SPECC1L: variants seen among roughly 807,000 people sequenced by gnomAD.
SPECC1L encodes sperm antigen with calponin homology and coiled-coil domains 1 like.
A neutral mutation model predicts 116.8 loss-of-function variants in SPECC1L; 40 were observed. The observed-to-expected ratio is 0.34, with a 90% confidence interval of 0.27 to 0.45. The LOEUF (loss-of-function observed/expected upper bound fraction) is 0.45. SPECC1L is among the 20% of genes least tolerant of loss of function. The pLI is 1.00. For missense variants in SPECC1L, 1,110 were observed against 1,373.6 expected, an observed-to-expected ratio of 0.81 and a Z score of 3.03; for synonymous variants, 504 against 500.6, an observed-to-expected ratio of 1.01 and a Z score of -0.09.
At chr22:24,401,299 T>G (rs2146778617) in intron 14 of SPECC1L, among the ~76,000 whole-genome samples, 1 of 152,356 alleles carries the variant, frequency 6.6e-6, no homozygotes, top group Admixed American at 6.5e-5. Flanking sequence ...GTTCAGATTC[T>G]GTTGGTTCCT....
At chr22:24,324,957 T>C (rs2040788933) in intron 6 of SPECC1L, among the ~76,000 whole-genome samples, 1 of 152,174 alleles carries the variant, frequency 6.6e-6, no homozygotes, top group Non-Finnish European at 1.5e-5. Flanking sequence ...GGATTATTTT[T>C]TGTCAGAGAA....
chr22:24,317,386 G>A (rs2040606782), intron 4 of SPECC1L, among the ~76,000 whole-genome samples: 1 of 122,698 alleles, frequency 8.2e-6, no homozygotes, highest in Non-Finnish European at 1.8e-5. Flanking sequence ...AGTAGGGGCG[G>A]CCGGGCAGAG....
intron 11 of SPECC1L, among the ~76,000 whole-genome samples, chr22:24,362,487 G>A (rs1039186232): frequency 1.3e-5 from 2 of 152,142 alleles, no homozygotes; most frequent in African/African-American, 4.8e-5. Context: ...CTTCCCTGAA[G>A]GCTCAAAAAT....
chr22:24,415,564 TAGG>T lies in SPECC1L; in HGVS notation c.*944_*946del, dbSNP rs757702937. The stretch of plus-strand genomic sequence containing the variant: ...TGAGAGCAAGGAATAAAGCAGGAAA[TAGG>T]AGAAAAGTAAACAACTTTAGGGAGC... On this transcript the variant is annotated 3_prime_UTR_variant, in exon 17 of 17. Coordinates refer to ENST00000314328, the MANE Select transcript of SPECC1L (RefSeq NM_015330.6). The T allele has an allele frequency of 1.3e-5, 2 of 152,568 alleles. No individual in the cohort carries two copies. 9.5% of individuals were successfully genotyped at this position (152,568 alleles called of 1,614,324 possible). A position where few individuals can be genotyped will look rare whatever the true frequency, so the allele number is the denominator to read the frequency against.
At chr22:24,362,496 A>G (rs758744456) in intron 11 of SPECC1L, among the ~76,000 whole-genome samples, 1 of 152,204 alleles carries the variant, frequency 6.6e-6, no homozygotes, top group Non-Finnish European at 1.5e-5. Context: ...AGGCTCAAAA[A>G]TGTTTGATGC....
At chr22:24,344,777 T>TA (rs1397745497) in intron 10 of SPECC1L, among the ~76,000 whole-genome samples, 1 of 152,232 alleles carries the variant, frequency 6.6e-6, no homozygotes, top group African/African-American at 2.4e-5. Flanking sequence ...TGTTTTTCTG[T>TA]ATATTAGCAT....
intron 11 of SPECC1L, among the ~76,000 whole-genome samples, chr22:24,348,033 G>A (rs985140020): frequency 1.3e-5 from 2 of 152,032 alleles, no homozygotes; most frequent in Non-Finnish European, 2.9e-5. Context: ...CCCACCTTTC[G>A]AGGTTGAGGC....
intron 14 of SPECC1L, among the ~76,000 whole-genome samples, chr22:24,407,050 A>G (rs377680363): frequency 2.6e-5 from 4 of 152,166 alleles, no homozygotes; most frequent in African/African-American, 9.7e-5. Context: ...TGGGCGCTCA[A>G]GCTTCACTTG....
intron 14 of SPECC1L, among the ~76,000 whole-genome samples, chr22:24,396,799 C>T (rs1023821159): frequency 9.9e-5 from 15 of 152,174 alleles, no homozygotes; most frequent in Admixed American, 1.3e-4. Flanking sequence ...GTCCTCAACA[C>T]TCTTTATCTG....
chr22:24,315,178 G>C (rs111937351), intron 4 of SPECC1L, among the ~76,000 whole-genome samples: 5 of 152,326 alleles, frequency 3.3e-5, no homozygotes, highest in Admixed American at 1.3e-4. Flanking sequence ...CCTAGCCCAG[G>C]ATTACCTACT....
chr22:24,279,890 T>C (rs2048909385), intron 2 of SPECC1L, among the ~76,000 whole-genome samples: 1 of 152,238 alleles, frequency 6.6e-6, no homozygotes, highest in Non-Finnish European at 1.5e-5. Flanking sequence ...ACAGAATAGT[T>C]TTCCATTCAC....
intron 11 of SPECC1L, among the ~76,000 whole-genome samples, chr22:24,354,297 G>A (rs574233089): frequency 1.6e-4 from 25 of 152,218 alleles, no homozygotes; most frequent in Admixed American, 4.6e-4. Context: ...ACTGATTTCA[G>A]CATTTATTTA....
At chr22:24,281,884 C>A (rs1041441791) in intron 2 of SPECC1L, among the ~76,000 whole-genome samples, 1 of 152,222 alleles carries the variant, frequency 6.6e-6, no homozygotes, top group African/African-American at 2.4e-5. Context: ...GCGGAATCAT[C>A]AAGACGGGAA....
chr22:24,302,762 T>C (rs1050524030), intron 3 of SPECC1L, among the ~76,000 whole-genome samples: 1 of 152,110 alleles, frequency 6.6e-6, no homozygotes, highest in Non-Finnish European at 1.5e-5. Flanking sequence ...AGTAAAGCAT[T>C]GTGAACAGTT....
At chr22:24,383,493 G>A (rs538286443) in intron 14 of SPECC1L, among the ~76,000 whole-genome samples, 174 of 152,184 alleles carry the variant, frequency 1.1e-3, no homozygotes, top group African/African-American at 3.9e-3. Flanking sequence ...TGAGTAACAA[G>A]AAAAGAAGAG....
chr22:24,317,618 C>G (rs1346040716), intron 4 of SPECC1L, among the ~76,000 whole-genome samples: 2 of 150,934 alleles, frequency 1.3e-5, no homozygotes, highest in Non-Finnish European at 3.0e-5. Context: ...GGGCTGATCC[C>G]CCCACCTCCC....
chr22:24,414,393 G>T, intron 16 of SPECC1L, 141 bp from the exon 17 acceptor site: 1 of 741,538 alleles, frequency 1.3e-6, no homozygotes, highest in East Asian at 2.8e-5. Flanking sequence ...TCTTGGCCAG[G>T]CTTTAAAAAT....
At chr22:24,401,963 C>T (rs2146781495) in intron 14 of SPECC1L, among the ~76,000 whole-genome samples, 1 of 152,308 alleles carries the variant, frequency 6.6e-6, no homozygotes, top group South Asian at 2.1e-4. Context: ...TCTCCAGAGG[C>T]TGCCAGCTCC....
chr22:24,369,390 A>G lies in SPECC1L; in HGVS notation c.3087+70A>G, dbSNP rs902595080. Reference sequence around the variant, plus strand: ...AACTGCTGGAGTGTCGTAGCTTACTACGTGTCACACATTAGAAATGATAAG... The same window carrying G: ...AACTGCTGGAGTGTCGTAGCTTACTGCGTGTCACACATTAGAAATGATAAG... On this transcript the variant is annotated intron_variant, in intron 14 of 16. Transcript: ENST00000314328. 10 of 1,069,284 alleles carry G rather than the reference A, an allele frequency of 9.4e-6. No individual in the cohort carries two copies. In the African/African-American group the frequency reaches 1.6e-4, roughly 17 times the overall value. The allele number at this position is 1,069,284 out of a possible 1,614,324, so 66.2% of individuals were successfully genotyped here.
Sources: gnomAD v4.1 joint callset for allele counts (sites outside exome capture counted in the v4.1 genomes callset) on GRCh38, gnomAD v4.1.1 for gene constraint, MANE v1.5 for transcripts, NCBI Gene and HGNC (gene_info 2026-07-23, HGNC 2026-07-21) for gene names.